Variants in IPCEF1 observed in about 807,000 individuals in gnomAD.
The protein encoded by IPCEF1 is interaction protein for cytohesin exchange factors 1, also known as interactor protein for cytohesin exchange factors 1.
In IPCEF1, 31 loss-of-function variants were observed where a neutral mutation model predicts 50.9. That is an observed-to-expected ratio of 0.61 (90% CI 0.46 to 0.82). The LOEUF is 0.82. IPCEF1 is among the 40% of genes least tolerant of loss of function. The pLI, the probability that IPCEF1 is intolerant of heterozygous loss-of-function variation, is 0.00. For synonymous variants in IPCEF1, 181 were observed against 192.0 expected (o/e 0.94, Z 0.47); for missense variants, 458 against 514.0 (o/e 0.89, Z 1.05).
intron 10 of IPCEF1, among the ~76,000 whole-genome samples, chr6:154,186,893 G>A (rs112487217): frequency 0.11 from 16,271 of 151,946 alleles, 1,087 homozygotes; most frequent in Middle Eastern, 0.21. Flanking sequence ...AGATGGCACC[G>A]CTCCTCCCTG....
chr6:154,224,666 G>A (rs560933064), intron 5 of IPCEF1, among the ~76,000 whole-genome samples: 2 of 152,120 alleles, frequency 1.3e-5, no homozygotes, highest in African/African-American at 4.8e-5. Flanking sequence ...AGCCAAGATC[G>A]TGCCACTGCA....
intron 2 of IPCEF1, among the ~76,000 whole-genome samples, chr6:154,269,685 T>A (rs1269211535): frequency 1.3e-5 from 2 of 152,150 alleles, no homozygotes; most frequent in Admixed American, 6.5e-5. Flanking sequence ...TAAATTCCAC[T>A]AAAATGATTC....
chr6:154,223,241 T>C lies in IPCEF1; in HGVS notation c.249A>G (p.Ala83=). The C allele has an allele frequency of 9.9e-6, 16 of 1,611,550 alleles. No individual in the cohort carries two copies. Among genetic ancestry groups the C allele is most frequent in the Non-Finnish European group, 1.4e-5 (16 of 1,178,784 alleles). ...GGTTGACAAATCCATCAGCTTTCTC[T>C]GCCTGAAACAAATATATACCACAAA... ...SSLYWYSNQM[A]EKADGFVNLP... The change falls in exon 6 of 12, where the codon GCA becomes GCG. Residue 83 remains alanine, a splice_region_variant and synonymous_variant. Transcript: ENST00000367220.
chr6:154,240,730 G>A (rs1413602094), intron 5 of IPCEF1, among the ~76,000 whole-genome samples: 1 of 152,164 alleles, frequency 6.6e-6, no homozygotes, highest in Non-Finnish European at 1.5e-5. Context: ...TTCACATGAA[G>A]TGTGCATGCA....
At chr6:154,238,942 G>A (rs1780360787) in intron 5 of IPCEF1, among the ~76,000 whole-genome samples, 1 of 150,272 alleles carries the variant, frequency 6.7e-6, no homozygotes, top group African/African-American at 2.5e-5. Context: ...AAAAAAAAAA[G>A]AAGTTGTGGA....
intron 10 of IPCEF1, among the ~76,000 whole-genome samples, chr6:154,171,173 C>T (rs941768913): frequency 2.2e-4 from 33 of 152,126 alleles, no homozygotes; most frequent in Non-Finnish European, 4.3e-4. Context: ...TGAATGTTCA[C>T]GGCAGCATTA....
rs1001609415 is a variant in IPCEF1 at position 154,199,968 on chromosome 6, T to C, written c.610A>G (p.Thr204Ala). The change falls in exon 10 of 12, where the codon ACA becomes GCA. Residue 204 changes from threonine (T) to alanine (A), a missense_variant. Coordinates refer to ENST00000367220, the MANE Select transcript of IPCEF1 (RefSeq NM_001130700.2). ...TSYSFSSLEN[T>A]VKTPSSFPSS... ...GGAAAACTGCTGGGTGTCTTCACTG[T>C]ATTTTCCAGGGAAGAGAAAGAATAC... 1.9e-6 allele frequency: 3 copies of C among 1,613,922 alleles called. No homozygotes were observed. The highest frequency in any genetic ancestry group is 1.7e-5 in the Admixed American group (1 of 60,012).
intron 11 of IPCEF1, among the ~76,000 whole-genome samples, chr6:154,166,236 C>CA (rs1799414439): frequency 6.6e-6 from 1 of 152,368 alleles, no homozygotes; most frequent in African/African-American, 2.4e-5. Flanking sequence ...GACGAGGTCA[C>CA]AGAGACCCAT....
At chr6:154,285,318 C>A (rs1782333596) in intron 2 of IPCEF1, among the ~76,000 whole-genome samples, 1 of 152,118 alleles carries the variant, frequency 6.6e-6, no homozygotes, top group Admixed American at 6.6e-5. Flanking sequence ...TTTCTTTTCC[C>A]TTTTCCTCAC....
chr6:154,192,193 T>C (rs1392121993), intron 10 of IPCEF1, among the ~76,000 whole-genome samples: 2 of 152,196 alleles, frequency 1.3e-5, no homozygotes, highest in Non-Finnish European at 2.9e-5. Context: ...ACAAATTGCT[T>C]TCTAAATTGG....
intron 1 of IPCEF1, among the ~76,000 whole-genome samples, chr6:154,339,111 T>G (rs188100595): frequency 6.6e-6 from 1 of 152,136 alleles, no homozygotes; most frequent in Non-Finnish European, 1.5e-5. Flanking sequence ...CACCTGTAAC[T>G]GCTGCTAATC....
intron 2 of IPCEF1, among the ~76,000 whole-genome samples, chr6:154,283,100 C>G (rs1288045699): frequency 6.6e-6 from 1 of 151,384 alleles, no homozygotes; most frequent in Non-Finnish European, 1.5e-5. Context: ...TCAAGACCAG[C>G]CTGGTCAACA....
At chr6:154,251,847 A>C (rs1319453632) in intron 3 of IPCEF1, among the ~76,000 whole-genome samples, 2 of 152,140 alleles carry the variant, frequency 1.3e-5, no homozygotes, top group African/African-American at 4.8e-5. Flanking sequence ...GAAGGGTGCA[A>C]GAGAAGACGG....
intron 5 of IPCEF1, among the ~76,000 whole-genome samples, chr6:154,229,278 A>G (rs1481779357): frequency 1.3e-5 from 2 of 151,924 alleles, no homozygotes; most frequent in African/African-American, 4.8e-5. Flanking sequence ...TGAATGAACT[A>G]TAATCTTTTT....
chr6:154,294,321 T>C (rs1562582681), intron 1 of IPCEF1, among the ~76,000 whole-genome samples: 1 of 152,184 alleles, frequency 6.6e-6, no homozygotes, highest in Admixed American at 6.5e-5. Flanking sequence ...TTATATCATG[T>C]AAAATCAAAC....
intron 1 of IPCEF1, among the ~76,000 whole-genome samples, chr6:154,342,407 T>C (rs1477279814): frequency 6.6e-6 from 1 of 152,202 alleles, no homozygotes; most frequent in Non-Finnish European, 1.5e-5. Flanking sequence ...CTCACAAGAA[T>C]GTAACCATTC....
chr6:154,319,815 C>G (rs1483981646), intron 1 of IPCEF1, among the ~76,000 whole-genome samples: 3 of 152,212 alleles, frequency 2.0e-5, no homozygotes, highest in African/African-American at 7.2e-5. Context: ...TCCACGCTCC[C>G]AATACACGGC....
At chr6:154,191,502 T>C (rs1435557946) in intron 10 of IPCEF1, among the ~76,000 whole-genome samples, 1 of 151,976 alleles carries the variant, frequency 6.6e-6, no homozygotes, top group Non-Finnish European at 1.5e-5. Context: ...AGTGAAACCC[T>C]GTCTCTACTG....
chr6:154,279,386 A>G (rs1031466533), intron 2 of IPCEF1, among the ~76,000 whole-genome samples: 6 of 152,208 alleles, frequency 3.9e-5, no homozygotes, highest in African/African-American at 1.2e-4. Context: ...GGAAGACTCA[A>G]TATTGTGAAG....
Sources: allele counts gnomAD v4.1 joint callset (sites outside exome capture counted in the v4.1 genomes callset), GRCh38; gene constraint gnomAD v4.1.1; transcripts MANE v1.5; gene names NCBI Gene and HGNC (gene_info 2026-07-23, HGNC 2026-07-21).